Variants in LINGO2 observed in about 807,000 individuals in gnomAD.
LINGO2 encodes the protein leucine rich repeat and Ig domain containing 2, also known as leucine-rich repeat and immunoglobulin-like domain-containing nogo receptor-interacting protein 2.
Under a neutral mutation model 30.6 loss-of-function variants are expected in LINGO2, and 14 were observed. The observed-to-expected ratio is 0.46, with a 90% CI of 0.30 to 0.72. The LOEUF (loss-of-function observed/expected upper bound fraction) is 0.72, where lower values mean the gene tolerates loss of function less well. Ranked by LOEUF, LINGO2 falls within the 30% of genes least tolerant of loss-of-function variation. The pLI is 0.07. For missense variants in LINGO2, 729 were observed against 751.7 expected (o/e 0.97, Z 0.35); for synonymous variants, 317 against 288.5 (o/e 1.10, Z -1.00).
At chr9:28,773,001 T>C in the LINGO2 span, among the ~76,000 whole-genome samples, 132,006 of 152,074 alleles carry the variant, frequency 0.87, 57,504 homozygotes, top group East Asian at 0.95. Context: ...TGAGAAAATG[T>C]CATGAAAAAT....
intron 1 of LINGO2, among the ~76,000 whole-genome samples, chr9:28,560,785 A>T (rs1256394938): frequency 4.0e-5 from 6 of 151,054 alleles, no homozygotes; most frequent in Non-Finnish European, 7.4e-5. Flanking sequence ...TCTCACCTCA[A>T]CCTCCCAAGT....
At chr9:29,056,825 C>T in the LINGO2 span, among the ~76,000 whole-genome samples, 1 of 152,148 alleles carries the variant, frequency 6.6e-6, no homozygotes, top group African/African-American at 2.4e-5. Flanking sequence ...ATTATCCCAG[C>T]ACCATTTGTT....
chr9:28,023,508 G>C (rs1293831123), intron 4 of LINGO2, among the ~76,000 whole-genome samples: 1 of 152,126 alleles, frequency 6.6e-6, no homozygotes. Flanking sequence ...GAGGGAAAAT[G>C]TTCTATACTC....
At chr9:27,941,893 C>G in the LINGO2 span, 1 of 151,852 alleles carries the variant, frequency 6.6e-6, no homozygotes, top group African/African-American at 2.4e-5. Flanking sequence ...TGTTTTGAAT[C>G]ATTTGGCTGA....
At chr9:28,883,679 T>G in the LINGO2 span, among the ~76,000 whole-genome samples, 2 of 137,630 alleles carry the variant, frequency 1.5e-5, no homozygotes, top group African/African-American at 5.4e-5. Context: ...TTTGGTTTTT[T>G]TGTTTGTTTT....
At chr9:28,723,742 A>G in the LINGO2 span, among the ~76,000 whole-genome samples, 2 of 151,982 alleles carry the variant, frequency 1.3e-5, no homozygotes, top group Non-Finnish European at 2.9e-5. Context: ...GAGATCAGCC[A>G]CTCTTAAGAT....
At chr9:28,999,828 A>T in the LINGO2 span, among the ~76,000 whole-genome samples, 1 of 152,016 alleles carries the variant, frequency 6.6e-6, no homozygotes, top group Non-Finnish European at 1.5e-5. Context: ...TTTTTACCAA[A>T]TTATGCAAAT....
the LINGO2 span, among the ~76,000 whole-genome samples, chr9:29,051,024 G>A: frequency 6.6e-6 from 1 of 152,014 alleles, no homozygotes; most frequent in Non-Finnish European, 1.5e-5. Context: ...CTACTTTTAT[G>A]TTCCCGGCAA....
At chr9:28,411,809 T>C (rs1283700740) in intron 2 of LINGO2, among the ~76,000 whole-genome samples, 5 of 152,120 alleles carry the variant, frequency 3.3e-5, no homozygotes, top group Admixed American at 3.3e-4. Context: ...GGATAACTGG[T>C]AAATCTATCT....
rs190536881 is a variant in LINGO2 at position 28,413,102 on chromosome 9, A to T, written c.-278-40234T>A. Among the ~76,000 whole-genome samples the T allele has an allele frequency of 3.3e-3, 505 of 152,208 alleles. 3 individuals carry two copies. Among genetic ancestry groups the T allele is most frequent in the Non-Finnish European group, 5.5e-3 (372 of 67,980 alleles). On this transcript the variant is annotated intron_variant, in intron 2 of 5. Coordinates refer to ENST00000379992, the Ensembl canonical transcript of LINGO2. ...AGTATGTAATACACATAGCATACAG[A>T]ATATGTGTTAATCTACTGTTTATGT...
At chr9:28,442,149 TA>T (rs971088649) in intron 2 of LINGO2, among the ~76,000 whole-genome samples, 23 of 151,684 alleles carry the variant, frequency 1.5e-4, no homozygotes, top group African/African-American at 2.9e-4. Flanking sequence ...TTGCAAATTA[TA>T]AAAAAAAAGT....
At chr9:29,135,906 A>C in the LINGO2 span, among the ~76,000 whole-genome samples, 1 of 152,258 alleles carries the variant, frequency 6.6e-6, no homozygotes, top group South Asian at 2.1e-4. Context: ...TATTTCCCTT[A>C]GCATAATGTC....
At chr9:28,305,177 C>A (rs1365860790) in intron 3 of LINGO2, among the ~76,000 whole-genome samples, 1 of 152,038 alleles carries the variant, frequency 6.6e-6, no homozygotes, top group African/African-American at 2.4e-5. Flanking sequence ...AATTCAACAT[C>A]AATTCCTCAT....
chr9:28,752,578 A>C, the LINGO2 span, among the ~76,000 whole-genome samples: 1 of 152,082 alleles, frequency 6.6e-6, no homozygotes, highest in Non-Finnish European at 1.5e-5. Flanking sequence ...CTCTGTGTGA[A>C]ATATCTCAAT....
At position 28,560,081 on chromosome 9, in the gene LINGO2, GAAA is replaced by G. The variant is rs57723247; in HGVS notation, c.-364-84059_-364-84057del. The stretch of plus-strand genomic sequence containing the variant: ...AAGTTAAGCAGCTTATATTTAGGAG[GAAA>G]AAAAAAAAAAAAAGAAAAATGAAAG... On this transcript the variant is annotated intron_variant, in intron 1 of 5. Coordinates refer to ENST00000379992, the Ensembl canonical transcript of LINGO2. Among the ~76,000 whole-genome samples, 878 of 123,482 alleles carry G rather than the reference GAAA, an allele frequency of 7.1e-3. 3 individuals are homozygous for G. Among genetic ancestry groups the G allele is most frequent in the Admixed American group, 0.015 (181 of 11,784 alleles). 81.0% of individuals were successfully genotyped at this position (123,482 alleles called of 152,430 possible).
At chr9:29,182,602 T>C in the LINGO2 span, among the ~76,000 whole-genome samples, 1 of 152,056 alleles carries the variant, frequency 6.6e-6, no homozygotes, top group Non-Finnish European at 1.5e-5. Flanking sequence ...AGCAAGTGAA[T>C]CAAAGGTGGG....
At chr9:28,016,307 C>T (rs1249395413) in intron 4 of LINGO2, among the ~76,000 whole-genome samples, 6 of 152,086 alleles carry the variant, frequency 3.9e-5, no homozygotes, top group Non-Finnish European at 7.4e-5. Flanking sequence ...CGTTGCAGAT[C>T]CCACCACTTC....
the LINGO2 span, among the ~76,000 whole-genome samples, chr9:28,763,267 T>G: frequency 6.6e-6 from 1 of 152,042 alleles, no homozygotes; most frequent in African/African-American, 2.4e-5. Context: ...CAGAATGTTC[T>G]CCAGAATAGA....
the LINGO2 span, among the ~76,000 whole-genome samples, chr9:28,957,608 T>C: frequency 1.3e-5 from 2 of 152,156 alleles, no homozygotes; most frequent in Non-Finnish European, 2.9e-5. Context: ...ATGTCTCCAA[T>C]CTGTGGAATA....
Sources: gnomAD v4.1 joint callset for allele counts (sites outside exome capture counted in the v4.1 genomes callset) on GRCh38, gnomAD v4.1.1 for gene constraint, MANE v1.5 for transcripts, NCBI Gene and HGNC (gene_info 2026-07-23, HGNC 2026-07-21) for gene names.